Variants in DLGAP2 observed in about 807,000 individuals in gnomAD.
The protein encoded by DLGAP2 is DLG associated protein 2.
Under a neutral mutation model 100.3 loss-of-function variants are expected in DLGAP2, and 26 were observed. The ratio of observed to expected loss-of-function variants is 0.26; its 90% CI spans 0.19 to 0.36. The LOEUF (loss-of-function observed/expected upper bound fraction) is 0.36, where lower values mean the gene tolerates loss of function less well. Ranked by LOEUF, DLGAP2 falls within the 10% of genes least tolerant of loss-of-function variation. DLGAP2 has a pLI of 1.00. For missense variants in DLGAP2, 1,858 were observed against 1,453.2 expected (o/e 1.28, Z -4.53); for synonymous variants, 886 against 630.1 (o/e 1.41, Z -6.08).
chr8:1,067,385 A>C (rs551739604), intron 2 of DLGAP2, among the ~76,000 whole-genome samples: 1 of 152,152 alleles, frequency 6.6e-6, no homozygotes, highest in African/African-American at 2.4e-5. Context: ...CCCTGCCTGT[A>C]GGAGCATCAC....
At chr8:958,721 G>C (rs73673034) in intron 2 of DLGAP2, among the ~76,000 whole-genome samples, 5,841 of 152,148 alleles carry the variant, frequency 0.038, 341 homozygotes, top group African/African-American at 0.13. Flanking sequence ...CATACCAAAG[G>C]TTAGAAGAGT....
chr8:1,002,295 G>A (rs146964842), intron 2 of DLGAP2: 19 of 152,304 alleles, frequency 1.2e-4, no homozygotes, highest in African/African-American at 4.3e-4. Context: ...TCCGGGGTCT[G>A]TGACCTCATC....
At chr8:1,411,606 G>T (rs1796732885) in intron 3 of DLGAP2, among the ~76,000 whole-genome samples, 1 of 152,138 alleles carries the variant, frequency 6.6e-6, no homozygotes, top group Non-Finnish European at 1.5e-5. Context: ...TAGACTTGAG[G>T]GCCTCGTGCT....
intron 3 of DLGAP2, among the ~76,000 whole-genome samples, chr8:1,498,132 G>A (rs1034857514): frequency 6.6e-6 from 1 of 152,334 alleles, no homozygotes; most frequent in East Asian, 1.9e-4. Flanking sequence ...GGTTGAAAGA[G>A]TTAAATTATT....
intron 2 of DLGAP2, among the ~76,000 whole-genome samples, chr8:1,228,723 A>G (rs1798473711): frequency 6.6e-6 from 1 of 152,250 alleles, no homozygotes; most frequent in African/African-American, 2.4e-5. Context: ...GAAGTATTTG[A>G]CAAAATTCAA....
intron 5 of DLGAP2, among the ~76,000 whole-genome samples, chr8:1,557,181 C>T (rs577043772): frequency 3.3e-5 from 5 of 152,270 alleles, no homozygotes; most frequent in Admixed American, 6.5e-5. Context: ...CAAATGTCCC[C>T]TGGGGGCAGA....
At chr8:947,696 C>A (rs1370085769) in intron 2 of DLGAP2, among the ~76,000 whole-genome samples, 1 of 152,336 alleles carries the variant, frequency 6.6e-6, no homozygotes, top group South Asian at 2.1e-4. Flanking sequence ...CTGCCCACGG[C>A]TCCGGGAAGG....
intron 3 of DLGAP2, among the ~76,000 whole-genome samples, chr8:1,316,243 A>C (rs1180258322): frequency 2.8e-3 from 258 of 91,182 alleles, no homozygotes; most frequent in Middle Eastern, 0.011. Flanking sequence ...ACACTCGAGA[A>C]ACTCGGCAGC....
intron 4 of DLGAP2, among the ~76,000 whole-genome samples, chr8:1,510,676 A>C (rs989952841): frequency 3.9e-5 from 6 of 152,196 alleles, no homozygotes; most frequent in Non-Finnish European, 8.8e-5. Flanking sequence ...GCACAGAGAG[A>C]GTGGTGACTT....
At chr8:895,093 C>A (rs1798119585) in intron 1 of DLGAP2, among the ~76,000 whole-genome samples, 2 of 150,422 alleles carry the variant, frequency 1.3e-5, no homozygotes. Context: ...GCTCTGGAGG[C>A]TACACAGTAT....
At chr8:1,381,049 T>C (rs1343201186) in intron 3 of DLGAP2, 1 of 151,842 alleles carries the variant, frequency 6.6e-6, no homozygotes, top group Non-Finnish European at 1.5e-5. Context: ...AGGAGTTCCT[T>C]TCTAAATCAA....
chr8:976,628 G>T (rs748706394), intron 2 of DLGAP2, among the ~76,000 whole-genome samples: 2 of 152,010 alleles, frequency 1.3e-5, no homozygotes, highest in Non-Finnish European at 2.9e-5. Context: ...ACAAAAAACA[G>T]AAAATAGACT....
chr8:1,204,402 C>G (rs1008136007), intron 2 of DLGAP2, among the ~76,000 whole-genome samples: 2 of 152,230 alleles, frequency 1.3e-5, no homozygotes, highest in African/African-American at 4.8e-5. Context: ...GTGATACTCA[C>G]AGGTGTGAGT....
intron 1 of DLGAP2, among the ~76,000 whole-genome samples, chr8:809,201 G>A (rs189305739): frequency 5.7e-4 from 87 of 152,190 alleles, no homozygotes; most frequent in African/African-American, 2.0e-3. Flanking sequence ...CACTGCGCCC[G>A]GCCAATGATT....
chr8:1,090,404 A>C (rs965638553), intron 2 of DLGAP2, among the ~76,000 whole-genome samples: 1 of 147,124 alleles, frequency 6.8e-6, no homozygotes, highest in African/African-American at 2.5e-5. Context: ...CCATGTCTGC[A>C]CTCTGGGGCC....
At chr8:947,676 C>T (rs1439953925) in intron 2 of DLGAP2, among the ~76,000 whole-genome samples, 2 of 152,208 alleles carry the variant, frequency 1.3e-5, no homozygotes, top group Non-Finnish European at 2.9e-5. Flanking sequence ...CCATCCTGTC[C>T]TGGCCCTCCC....
chr8:1,059,735 A>T (rs968278197), intron 2 of DLGAP2, among the ~76,000 whole-genome samples: 2 of 152,030 alleles, frequency 1.3e-5, no homozygotes, highest in African/African-American at 2.4e-5. Flanking sequence ...GAGGGGCGTG[A>T]GGCAGGTGAG....
chr8:1,311,645 C>G (rs951886937), intron 3 of DLGAP2, among the ~76,000 whole-genome samples: 8 of 151,924 alleles, frequency 5.3e-5, no homozygotes, highest in African/African-American at 9.7e-5. Flanking sequence ...TTAACACTAC[C>G]TGCACATCTC....
At chr8:1,650,146 G>T (rs563283979) in intron 8 of DLGAP2, among the ~76,000 whole-genome samples, 1 of 152,138 alleles carries the variant, frequency 6.6e-6, no homozygotes, top group Non-Finnish European at 1.5e-5. Context: ...TTTACAGCAG[G>T]TCATTACTTT....
Sources: gnomAD v4.1 joint callset for allele counts (sites outside exome capture counted in the v4.1 genomes callset) on GRCh38, gnomAD v4.1.1 for gene constraint, MANE v1.5 for transcripts, NCBI Gene and HGNC (gene_info 2026-07-23, HGNC 2026-07-21) for gene names.